The following ARHGAP10 variants were observed in gnomAD, a reference collection of about 807,000 sequenced individuals.
The protein encoded by ARHGAP10 is Rho GTPase activating protein 10, also known as rho GTPase-activating protein 10.
A neutral mutation model predicts 108.6 loss-of-function variants in ARHGAP10; 87 were observed. The observed-to-expected ratio is 0.80, with a 90% CI of 0.67 to 0.96. The LOEUF is 0.96. Ranked by LOEUF, ARHGAP10 falls within the 40% of genes least tolerant of loss-of-function variation. The pLI is 0.00. For missense variants in ARHGAP10, 939 were observed against 954.5 expected (o/e 0.98, Z 0.21); for synonymous variants, 347 against 341.1 (o/e 1.02, Z -0.19).
At chr4:147,843,297 T>A (rs1178465730) in intron 3 of ARHGAP10, among the ~76,000 whole-genome samples, 1 of 152,222 alleles carries the variant, frequency 6.6e-6, no homozygotes, top group Admixed American at 6.5e-5. Context: ...CTTAAAAGAA[T>A]ACATGCCTTT....
intron 8 of ARHGAP10, among the ~76,000 whole-genome samples, chr4:147,875,597 C>G (rs1439883490): frequency 6.6e-6 from 1 of 152,206 alleles, no homozygotes; most frequent in East Asian, 1.9e-4. Context: ...CCCTGCCTCT[C>G]TGTCATCTTA....
chr4:147,939,059 A>G (rs1738065915), intron 13 of ARHGAP10, among the ~76,000 whole-genome samples: 1 of 152,202 alleles, frequency 6.6e-6, no homozygotes, highest in African/African-American at 2.4e-5. Context: ...ACTTTAAACA[A>G]ATGGAGATTT....
At chr4:147,936,429 C>T (rs1209673312) in intron 13 of ARHGAP10, among the ~76,000 whole-genome samples, 2 of 147,554 alleles carry the variant, frequency 1.4e-5, no homozygotes, top group Non-Finnish European at 3.0e-5. Flanking sequence ...CCCGGGTTCA[C>T]GCCATTCTCC....
intron 13 of ARHGAP10, among the ~76,000 whole-genome samples, chr4:147,926,228 T>G (rs1214772363): frequency 6.6e-6 from 1 of 152,094 alleles, no homozygotes; most frequent in Non-Finnish European, 1.5e-5. Context: ...TCTTGAGATC[T>G]TTGACAGAGA....
intron 20 of ARHGAP10, among the ~76,000 whole-genome samples, chr4:148,057,111 G>A (rs1008784202): frequency 6.6e-6 from 1 of 152,172 alleles, no homozygotes; most frequent in Admixed American, 6.5e-5. Flanking sequence ...TAAGTCATTC[G>A]CTTCCTTCTC....
intron 10 of ARHGAP10, among the ~76,000 whole-genome samples, chr4:147,892,620 A>G (rs1480566321): frequency 6.6e-6 from 1 of 151,464 alleles, no homozygotes; most frequent in Admixed American, 6.6e-5. Flanking sequence ...GGAAGAGCTT[A>G]CTAAAGAAAG....
At position 148,072,097 on chromosome 4, in the gene ARHGAP10, CCCCTGCTGACCCTGGCA is replaced by C; in HGVS notation, c.*20_*36del. 1 of 1,603,740 alleles carries C rather than the reference CCCCTGCTGACCCTGGCA, an allele frequency of 6.2e-7. No homozygotes were observed. The highest frequency in any genetic ancestry group is 8.5e-7 in the Non-Finnish European group (1 of 1,175,870). On this transcript the variant is annotated 3_prime_UTR_variant, in exon 23 of 23. Coordinates refer to ENST00000336498, the MANE Select transcript of ARHGAP10 (RefSeq NM_024605.4). ...GCTGCTGTAGCTCCTGGCCTCAGAG[CCCCTGCTGACCCTGGCA>C]CCCAGGGACCTGCCTGGGGGCAGAG... is the stretch of plus-strand genomic sequence containing the variant.
At chr4:147,790,414 G>A (rs1285802702) in intron 1 of ARHGAP10, among the ~76,000 whole-genome samples, 1 of 152,102 alleles carries the variant, frequency 6.6e-6, no homozygotes, top group Non-Finnish European at 1.5e-5. Context: ...TTAAAAAATG[G>A]GCTGTCTGGC....
chr4:147,813,827 T>C (rs1732127697), intron 1 of ARHGAP10, among the ~76,000 whole-genome samples: 1 of 152,210 alleles, frequency 6.6e-6, no homozygotes, highest in Admixed American at 6.5e-5. Flanking sequence ...TAACAGCAGC[T>C]ATATAGCATA....
chr4:148,056,462 T>G (rs1729367746), intron 20 of ARHGAP10, among the ~76,000 whole-genome samples: 1 of 152,182 alleles, frequency 6.6e-6, no homozygotes, highest in South Asian at 2.1e-4. Context: ...TAAAATAAAT[T>G]TTTATTTTGG....
Position 147,898,168 on chromosome 4 carries a change from TCCTTAGGCTG to T in ARHGAP10, c.1035-8458_1035-8449del, listed in dbSNP as rs1057343872. ...TTATCTTGTTCCATTTCTTTTAAGT[TCCTTAGGCTG>T]CCTTAGGCTGCATTTCTTGTAATGC... On this transcript the variant is annotated intron_variant, in intron 10 of 22. Coordinates refer to ENST00000336498, the MANE Select transcript of ARHGAP10 (RefSeq NM_024605.4). Among the ~76,000 whole-genome samples, 20 of 112,178 alleles carry T rather than the reference TCCTTAGGCTG, an allele frequency of 1.8e-4. 1 individual carries two copies. Among genetic ancestry groups the T allele is most frequent in the African/African-American group, 5.2e-4 (19 of 36,316 alleles). 73.6% of individuals were successfully genotyped at this position (112,178 alleles called of 152,430 possible).
chr4:147,781,109 A>G (rs1009131117), intron 1 of ARHGAP10, among the ~76,000 whole-genome samples: 5 of 152,126 alleles, frequency 3.3e-5, no homozygotes, highest in African/African-American at 1.2e-4. Flanking sequence ...CTGTAATACC[A>G]GCATTTCGGG....
chr4:147,863,911 TTTC>T (rs1254548143), intron 5 of ARHGAP10: 2 of 151,944 alleles, frequency 1.3e-5, no homozygotes, highest in African/African-American at 2.4e-5. Context: ...CACCACTACT[TTTC>T]TTTTTTGTAC....
At chr4:148,064,285 T>C (rs537530750) in intron 21 of ARHGAP10, 131 bp from the exon 22 acceptor site, 2 of 649,978 alleles carry the variant, frequency 3.1e-6, no homozygotes, top group Admixed American at 5.9e-5. Context: ...ACTTCCACGT[T>C]AATTTCTCTT....
rs892125608 is a variant in ARHGAP10 at position 147,971,591 on chromosome 4, G to C, written c.1716+4752G>C. Among the ~76,000 whole-genome samples the C allele has an allele frequency of 2.0e-5, 3 of 152,142 alleles. No homozygotes were observed. The South Asian group carries it at 6.2e-4, about 32-fold the overall frequency. ...TGGAGATGTTTTAAGAGGACATTTCGGGTATGGGAGACCATGTAATCAGAG... is the reference window on the plus strand; with the variant it reads ...TGGAGATGTTTTAAGAGGACATTTCCGGTATGGGAGACCATGTAATCAGAG... On this transcript the variant is annotated intron_variant, in intron 18 of 22. Coordinates refer to ENST00000336498, the MANE Select transcript of ARHGAP10 (RefSeq NM_024605.4).
intron 19 of ARHGAP10, among the ~76,000 whole-genome samples, chr4:148,036,439 G>A (rs977332115): frequency 3.9e-5 from 6 of 152,296 alleles, no homozygotes; most frequent in East Asian, 1.9e-4. Context: ...TAGTTGAATC[G>A]TGGGAGCAGT....
chr4:147,980,258 A>G (rs890156713), intron 18 of ARHGAP10, among the ~76,000 whole-genome samples: 1 of 151,832 alleles, frequency 6.6e-6, no homozygotes, highest in South Asian at 2.1e-4. Flanking sequence ...GACATATTGG[A>G]TTTTATCAAA....
At chr4:147,851,049 A>C (rs1031729401) in intron 4 of ARHGAP10, among the ~76,000 whole-genome samples, 1 of 152,218 alleles carries the variant, frequency 6.6e-6, no homozygotes, top group Admixed American at 6.5e-5. Flanking sequence ...AGCAGCACAC[A>C]GATGACAGGT....
At chr4:147,794,883 C>A (rs147249006) in intron 1 of ARHGAP10, among the ~76,000 whole-genome samples, 1 of 152,286 alleles carries the variant, frequency 6.6e-6, no homozygotes, top group East Asian at 1.9e-4. Context: ...AGTTCCCCTT[C>A]TGATAGACAT....
Sources: allele counts gnomAD v4.1 joint callset (sites outside exome capture counted in the v4.1 genomes callset), GRCh38; gene constraint gnomAD v4.1.1; transcripts MANE v1.5; gene names NCBI Gene and HGNC (gene_info 2026-07-23, HGNC 2026-07-21).